Variants in AGA observed in about 807,000 individuals in gnomAD.
AGA encodes the protein aspartylglucosaminidase.
A neutral mutation model predicts 40.1 loss-of-function variants in AGA; 31 were observed. The observed-to-expected ratio is 0.77, with a 90% CI of 0.58 to 1.04. The LOEUF (loss-of-function observed/expected upper bound fraction) is 1.04, where lower values mean the gene tolerates loss of function less well. Among genes scored for constraint, AGA ranks in the 50% least tolerant of loss-of-function variants. AGA has a pLI of 0.00. For synonymous variants in AGA, 148 were observed against 144.0 expected (o/e 1.03, Z -0.20); for missense variants, 445 against 435.4 (o/e 1.02, Z -0.20).
intron 5 of AGA, chr4:177,437,046 CTGTTA>C (rs1736846324): frequency 3.5e-5 from 10 of 282,458 alleles, no homozygotes; most frequent in East Asian, 9.8e-5. Context: ...CTGTGGTAGT[CTGTTA>C]TAACAGCGAA....
chr4:177,438,414 A>C (rs1736890690), intron 4 of AGA, among the ~76,000 whole-genome samples: 1 of 152,184 alleles, frequency 6.6e-6, no homozygotes, highest in African/African-American at 2.4e-5. Context: ...AATATTTTAG[A>C]CTCATAGTTT....
intron 7 of AGA, among the ~76,000 whole-genome samples, chr4:177,433,807 A>G (rs1398004830): frequency 6.6e-6 from 1 of 152,126 alleles, no homozygotes. Flanking sequence ...TACATCAATT[A>G]CTAAATAGAT....
intron 8 of AGA, among the ~76,000 whole-genome samples, chr4:177,432,376 T>C (rs1736660102): frequency 6.6e-6 from 1 of 152,214 alleles, no homozygotes; most frequent in South Asian, 2.1e-4. Flanking sequence ...ATCATTTTTT[T>C]CATTCTGTTA....
chr4:177,441,914 G>C lies in AGA; in HGVS notation c.127+335C>G, dbSNP rs549671789. The stretch of plus-strand genomic sequence containing the variant: ...TGGAGACGTACACAGCCCGTGAAAA[G>C]ACTGTCAGGCAGAAAAGCGTAGCTG... On this transcript the variant is annotated intron_variant, in intron 1 of 8. Coordinates refer to ENST00000264595, the MANE Select transcript of AGA (RefSeq NM_000027.4). 4.6e-5 allele frequency among the ~76,000 whole-genome samples: 7 copies of C among 152,344 alleles called. No individual in the cohort carries two copies. In the South Asian group the frequency reaches 1.5e-3, roughly 32 times the overall value.
At chr4:177,439,313 A>G (rs952543613) in intron 3 of AGA, among the ~76,000 whole-genome samples, 4 of 152,162 alleles carry the variant, frequency 2.6e-5, no homozygotes, top group Admixed American at 2.0e-4. Flanking sequence ...CCCAGGAGGC[A>G]GAGGTTGTCG....
intron 7 of AGA, among the ~76,000 whole-genome samples, chr4:177,433,819 A>G (rs1022392516): frequency 1.3e-5 from 2 of 152,186 alleles, no homozygotes; most frequent in Admixed American, 6.5e-5. Context: ...TAAATAGATC[A>G]TAAGTATTCT....
intron 1 of AGA, among the ~76,000 whole-genome samples, chr4:177,441,876 T>C (rs1737026022): frequency 6.6e-6 from 1 of 151,018 alleles, no homozygotes; most frequent in Non-Finnish European, 1.5e-5. Flanking sequence ...AGTGAAGGAT[T>C]AGAAACGAGA....
In AGA at chr4:177,432,348, A is replaced by G. The variant is rs564931894; in HGVS notation, c.941-540T>C. ...GAAGAAACTAGTCACCTGTAAATTC[A>G]TCCACAATTATATAATTATCATTTT... On this transcript the variant is annotated intron_variant, in intron 8 of 8. Coordinates refer to ENST00000264595, the MANE Select transcript of AGA (RefSeq NM_000027.4). Among the ~76,000 whole-genome samples the G allele has an allele frequency of 2.4e-4, 37 of 152,280 alleles. No individual in the cohort carries two copies. In the South Asian group the frequency reaches 7.2e-3, roughly 30 times the overall value.
rs995922881 is a variant in AGA, at chr4:177,434,879, T to C, written c.699-390A>G. On this transcript the variant is annotated intron_variant, in intron 6 of 8. Coordinates refer to ENST00000264595, the MANE Select transcript of AGA (RefSeq NM_000027.4). ...CTGACTAAGGTTAATAACAATAGAGTGCACATTTGAAAACTGCGAAGTAGA... is the reference window on the plus strand; with the variant it reads ...CTGACTAAGGTTAATAACAATAGAGCGCACATTTGAAAACTGCGAAGTAGA... 2.7e-5 allele frequency among the ~76,000 whole-genome samples: 4 copies of C among 149,878 alleles called. 1 individual carries two copies. The Admixed American group carries it at 2.7e-4, about 10-fold the overall frequency.
chr4:177,436,416 T>TTGTAAC (rs2111013748), intron 5 of AGA, 65 bp from the exon 6 acceptor site: 1 of 1,298,678 alleles, frequency 7.7e-7, no homozygotes, highest in Admixed American at 1.7e-5. Context: ...AACCAAATAA[T>TTGTAAC]TGAGCAACTG....
chr4:177,442,240 A>G lies in AGA; in HGVS notation c.127+9T>C, dbSNP rs1453929137. 1.9e-6 allele frequency: 3 copies of G among 1,613,538 alleles called. No individual in the cohort carries two copies. Among genetic ancestry groups the G allele is most frequent in the African/African-American group, 2.7e-5 (2 of 75,046 alleles). ...GGCGCAGCCGCCCGCCCAGGCCGCCAACCCGCACCTGCTTCGGTTGCATTC... is the reference window on the plus strand; with the variant it reads ...GGCGCAGCCGCCCGCCCAGGCCGCCGACCCGCACCTGCTTCGGTTGCATTC... On this transcript the variant is annotated intron_variant, in intron 1 of 8. Transcript: ENST00000264595.
In AGA at chr4:177,431,248, T is replaced by C. The variant is rs1354543551; in HGVS notation, c.*460A>G. The C allele has an allele frequency of 9.1e-6, 4 of 440,016 alleles. No homozygotes were observed. The highest frequency in any genetic ancestry group is 1.8e-5 in the Non-Finnish European group (4 of 222,798). 27.3% of individuals were successfully genotyped at this position (440,016 alleles called of 1,614,324 possible). On this transcript the variant is annotated 3_prime_UTR_variant, in exon 9 of 9. Transcript: ENST00000264595. Reference sequence around the variant, plus strand: ...AATATTAAGTAAAACCAATAATCAGTGCTAAGACATGCATCACTGTGACAT... The same window carrying C: ...AATATTAAGTAAAACCAATAATCAGCGCTAAGACATGCATCACTGTGACAT...
At chr4:177,433,066 A>G (rs1736678723) in intron 8 of AGA, 148 bp downstream of exon 8, 2 of 1,132,100 alleles carry the variant, frequency 1.8e-6, no homozygotes, top group Admixed American at 2.1e-5. Flanking sequence ...GTGGGTCTTG[A>G]GATCATCAAT....
chr4:177,438,674 A>G, intron 4 of AGA, 71 bp downstream of exon 4: 1 of 1,051,992 alleles, frequency 9.5e-7, no homozygotes, highest in Admixed American at 1.9e-5. Context: ...ACAGGCAGGC[A>G]ACACTGAGCA....
At chr4:177,435,748 TAC>T (rs139181250) in intron 6 of AGA, among the ~76,000 whole-genome samples, 2 of 146,310 alleles carry the variant, frequency 1.4e-5, no homozygotes, top group East Asian at 2.0e-4. Context: ...GAGCCCTGAA[TAC>T]ACACACACAC....
At chr4:177,437,378 A>G (rs1736857525) in intron 5 of AGA, 27 bp downstream of exon 5, 3 of 1,486,040 alleles carry the variant, frequency 2.0e-6, no homozygotes, top group Non-Finnish European at 2.8e-6. Context: ...AACTTTATCC[A>G]TAAAAACTGC....
At position 177,440,466 on chromosome 4, in the gene AGA, T is replaced by TA. The variant is rs113432122; in HGVS notation, c.128-41_128-40insT. On this transcript the variant is annotated intron_variant, in intron 1 of 8. Transcript: ENST00000264595. ...CCAATAATGCTTGTTTATATATATA[T>TA]TTTTTTTTCAATGCCAAATGCAACA... The TA allele has an allele frequency of 6.9e-4, 937 of 1,363,456 alleles. 6 individuals carry two copies. Among genetic ancestry groups the TA allele is most frequent in the Non-Finnish European group, 4.8e-4 (475 of 981,606 alleles). The allele number at this position is 1,363,456 out of a possible 1,614,324, so 84.5% of individuals were successfully genotyped here. A position where few individuals can be genotyped will look rare whatever the true frequency, so the allele number is the denominator to read the frequency against.
chr4:177,439,372 A>T lies in AGA; in HGVS notation c.394+204T>A, dbSNP rs527935685. On this transcript the variant is annotated intron_variant, in intron 3 of 8. Coordinates refer to ENST00000264595, the MANE Select transcript of AGA (RefSeq NM_000027.4). ...CTCCAGCCTGGGTGACAAGAGCGAA[A>T]CTCCGTCTCAAAACTTCCATTGCCT... 5.3e-5 allele frequency among the ~76,000 whole-genome samples: 8 copies of T among 152,278 alleles called. No homozygotes were observed. In the South Asian group the frequency reaches 1.7e-3, roughly 32 times the overall value.
rs184672077 is a variant in AGA at position 177,439,684 on chromosome 4, T to A, written c.286A>T (p.Thr96Ser). ...TCTCCTACTGCTCCTACATCCATAG[T>A]AGTGCTGCAAGAAAATAGAATGCAG... Reference protein sequence around the residue: ...TLDAMIMDGTTMDVGAVGDLR... With the variant: ...TLDAMIMDGTSMDVGAVGDLR... Residue 96 changes from threonine (T) to serine (S), a missense_variant, in exon 3 of 9, where the codon ACT becomes TCT. Thr to Ser is a moderately conservative substitution (Grantham distance 58). Transcript: ENST00000264595. 37 of 1,606,788 alleles carry A rather than the reference T, an allele frequency of 2.3e-5. No homozygotes were observed. The African/African-American group carries it at 4.7e-4, about 20-fold the overall frequency.
Sources: gnomAD v4.1 joint callset for allele counts (sites outside exome capture counted in the v4.1 genomes callset) on GRCh38, gnomAD v4.1.1 for gene constraint, MANE v1.5 for transcripts, NCBI Gene and HGNC (gene_info 2026-07-23, HGNC 2026-07-21) for gene names.